The following TET3 variants were observed in gnomAD, a reference collection of about 807,000 sequenced individuals.
The protein encoded by TET3 is methylcytosine dioxygenase TET3.
Under a neutral mutation model 141.4 loss-of-function variants are expected in TET3, and 19 were observed. That is an observed-to-expected ratio of 0.13 (90% CI 0.09 to 0.20). The LOEUF is 0.20. TET3 is among the 10% of genes least tolerant of loss of function. TET3 has a pLI of 1.00. For synonymous variants in TET3, 1,043 were observed against 980.9 expected, an observed-to-expected ratio of 1.06 and a Z score of -1.18; for missense variants, 1,874 against 2,356.9, an observed-to-expected ratio of 0.80 and a Z score of 4.24.
At position 73,985,030 on chromosome 2, in the gene TET3, C is replaced by A; in HGVS notation, c.-552C>A. The stretch of plus-strand genomic sequence containing the variant: ...GGGGGCTCCGCGCGCTGAGCTCGGT[C>A]GGGCCGGGCGCTCCGGGAGGCGGGA... On this transcript the variant is annotated 5_prime_UTR_variant, in exon 1 of 12. Coordinates refer to ENST00000409262, the MANE Select transcript of TET3 (RefSeq NM_001287491.2). 6.9e-6 allele frequency: 1 copy of A among 145,642 alleles called. No individual in the cohort carries two copies. Among genetic ancestry groups the A allele is most frequent in the South Asian group, 1.8e-4 (1 of 5,508 alleles). The allele number at this position is 145,642 out of a possible 1,614,324, so 9.0% of individuals were successfully genotyped here. A position where few individuals can be genotyped will look rare whatever the true frequency, so the allele number is the denominator to read the frequency against.
At chr2:74,055,694 T>C (rs567528266) in intron 4 of TET3, among the ~76,000 whole-genome samples, 1 of 152,350 alleles carries the variant, frequency 6.6e-6, no homozygotes, top group South Asian at 2.1e-4. Flanking sequence ...AAAGGCAGTA[T>C]TGAGAGAGTG....
At chr2:74,115,638 A>G in the TET3 span, among the ~76,000 whole-genome samples, 1 of 152,208 alleles carries the variant, frequency 6.6e-6, no homozygotes, top group Non-Finnish European at 1.5e-5. Context: ...AGAAAAATTT[A>G]ATGTTGAAGA....
chr2:74,004,145 TCAGG>T (rs1685023686), intron 3 of TET3, among the ~76,000 whole-genome samples: 1 of 151,980 alleles, frequency 6.6e-6, no homozygotes, highest in Non-Finnish European at 1.5e-5. Flanking sequence ...GTGGGCAGGG[TCAGG>T]GCTCATGGAA....
chr2:73,986,491 T>A lies in TET3; in HGVS notation c.88T>A (p.Phe30Ile). The change falls in exon 2 of 12, where the codon TTC (phenylalanine) becomes ATC (isoleucine). Residue 30 changes from phenylalanine (F) to isoleucine (I), a missense_variant. By Grantham distance (21) the Phe-to-Ile change is conservative (BLOSUM62 0). This residue lies in a region of TET3 where 366 missense variants were observed against 487.0 expected (regional missense o/e 0.75). Transcript: ENST00000409262. Reference protein sequence around the residue: ...FPQRQVMVGSFPGSGLSMAGS... With the variant: ...FPQRQVMVGSIPGSGLSMAGS... The stretch of plus-strand genomic sequence containing the variant: ...TCAGCGCCAGGTGATGGTAGGGAGC[T>A]TCCCGGGGTCTGGGCTCTCCATGGC... The A allele has an allele frequency of 8.1e-7, 1 of 1,232,188 alleles. No homozygotes were observed. The highest frequency in any genetic ancestry group is 1.5e-5 in the African/African-American group (1 of 64,538). The allele number at this position is 1,232,188 out of a possible 1,614,324, so 76.3% of individuals were successfully genotyped here.
chr2:74,071,303 G>A (rs914214969), intron 4 of TET3, among the ~76,000 whole-genome samples: 5 of 152,178 alleles, frequency 3.3e-5, no homozygotes, highest in Admixed American at 6.5e-5. Flanking sequence ...ATTTGGGAGG[G>A]ACACAAACCT....
chr2:74,084,834 G>T (rs1264368480), intron 6 of TET3, among the ~76,000 whole-genome samples: 2 of 152,046 alleles, frequency 1.3e-5, no homozygotes, highest in African/African-American at 4.8e-5. Context: ...CTACTCTGGA[G>T]ACAGTGGGGA....
At chr2:74,024,703 G>A (rs1686237927) in intron 3 of TET3, among the ~76,000 whole-genome samples, 1 of 151,976 alleles carries the variant, frequency 6.6e-6, no homozygotes, top group African/African-American at 2.4e-5. Context: ...GTAAGATTTG[G>A]GGAATGTTAC....
rs1295159546 is a variant in TET3, at chr2:74,003,121, G to A, written c.315G>A (p.Lys105=). 10 of 1,550,570 alleles carry A rather than the reference G, an allele frequency of 6.4e-6. No homozygotes were observed. The East Asian group carries it at 1.7e-4, about 27-fold the overall frequency. The change falls in exon 3 of 12, where the codon AAG becomes AAA. Residue 105 remains lysine, a synonymous_variant. Transcript: ENST00000409262. ...GGCTTCTTTTGCAGGTGGAAATAAAGGCTGGTGAAGGAGCCGGGCCGTGGG... is the reference window on the plus strand; with the variant it reads ...GGCTTCTTTTGCAGGTGGAAATAAAAGCTGGTGAAGGAGCCGGGCCGTGGG... ...KVGLLKEVEI[K]AGEGAGPWGQ...
At chr2:74,121,471 CAG>C in the TET3 span, 61 of 152,350 alleles carry the variant, frequency 4.0e-4, no homozygotes, top group African/African-American at 1.4e-3. Context: ...ACTTTCAAGT[CAG>C]AGTGTGAGCC....
At chr2:73,991,506 G>T (rs527340797) in intron 2 of TET3, among the ~76,000 whole-genome samples, 2 of 152,180 alleles carry the variant, frequency 1.3e-5, no homozygotes, top group Admixed American at 1.3e-4. Flanking sequence ...TCCAGTTTTT[G>T]ACTTAAAGTC....
At chr2:74,124,157 C>T in the TET3 span, among the ~76,000 whole-genome samples, 2 of 151,790 alleles carry the variant, frequency 1.3e-5, no homozygotes, top group Admixed American at 6.6e-5. Flanking sequence ...GCCGCCCCAT[C>T]TGGGAGGGAG....
chr2:74,108,596 T>C (rs1047437368), downstream of TET3, among the ~76,000 whole-genome samples: 7 of 152,224 alleles, frequency 4.6e-5, no homozygotes, highest in Non-Finnish European at 7.3e-5. Context: ...TTGGCTAATA[T>C]ACGGAACCCG....
intron 3 of TET3, among the ~76,000 whole-genome samples, chr2:74,030,809 ATGAG>A (rs1686639999): frequency 6.6e-6 from 1 of 152,164 alleles, no homozygotes; most frequent in Non-Finnish European, 1.5e-5. Context: ...TGAGAGATAA[ATGAG>A]GAGAAAACAA....
chr2:74,108,290 C>A (rs960128869), downstream of TET3: 3 of 153,804 alleles, frequency 2.0e-5, no homozygotes, highest in Non-Finnish European at 2.9e-5. Context: ...ATGAAGCCCT[C>A]ACTAATAGCA....
At position 74,020,562 on chromosome 2, in the gene TET3, A is replaced by G. The variant is rs1462990890; in HGVS notation, c.360+17396A>G. On this transcript the variant is annotated intron_variant, in intron 3 of 11. Transcript: ENST00000409262. ...TGATGGAGCTGTCTGGGGCATGCCA[A>G]TTCACTCTGTACCCTTGGCAGTGGT... 3.3e-5 allele frequency among the ~76,000 whole-genome samples: 5 copies of G among 152,278 alleles called. No individual in the cohort carries two copies. In the East Asian group the frequency reaches 5.8e-4, roughly 18 times the overall value.
At chr2:74,114,584 G>A in the TET3 span, among the ~76,000 whole-genome samples, 41 of 152,036 alleles carry the variant, frequency 2.7e-4, no homozygotes, top group Admixed American at 8.5e-4. Flanking sequence ...GGGCATGGTG[G>A]CTCACGTCTG....
the TET3 span, among the ~76,000 whole-genome samples, chr2:74,129,100 G>A: frequency 4.5e-4 from 66 of 147,440 alleles, 1 homozygote; most frequent in South Asian, 0.011. Flanking sequence ...ACCTGAGGTC[G>A]TGAGTTTAAG....
chr2:74,026,626 T>C (rs935331562), intron 3 of TET3, among the ~76,000 whole-genome samples: 1 of 152,268 alleles, frequency 6.6e-6, no homozygotes, highest in Admixed American at 6.5e-5. Flanking sequence ...TAACAAATGA[T>C]TTGCATTTAG....
At chr2:74,066,343 A>G (rs1402930070) in intron 4 of TET3, among the ~76,000 whole-genome samples, 1 of 152,186 alleles carries the variant, frequency 6.6e-6, no homozygotes, top group Non-Finnish European at 1.5e-5. Context: ...TAAAATGAAA[A>G]CTATTTGAAA....
Sources: gnomAD v4.1 joint callset for allele counts (sites outside exome capture counted in the v4.1 genomes callset) on GRCh38, gnomAD v4.1.1 for gene constraint, gnomAD v4.1.1 regional missense constraint, MANE v1.5 for transcripts, NCBI Gene and HGNC (gene_info 2026-07-23, HGNC 2026-07-21) for gene names.